Variants in PRKG1 observed in about 807,000 individuals in gnomAD.
PRKG1 encodes the protein cGMP-dependent protein kinase 1.
Under a neutral mutation model 88.1 loss-of-function variants are expected in PRKG1, and 35 were observed. The ratio of observed to expected loss-of-function variants is 0.40; its 90% CI spans 0.30 to 0.53. PRKG1 has a LOEUF of 0.53. Among genes scored for constraint, PRKG1 ranks in the 20% least tolerant of loss-of-function variants. The pLI is 0.59. For synonymous variants in PRKG1, 303 were observed against 292.5 expected (o/e 1.04, Z -0.37); for missense variants, 540 against 839.8 (o/e 0.64, Z 4.41).
At chr10:51,402,271 C>T (rs1183001578) in intron 2 of PRKG1, among the ~76,000 whole-genome samples, 1 of 152,184 alleles carries the variant, frequency 6.6e-6, no homozygotes, top group East Asian at 1.9e-4. Context: ...CAGCCAACCA[C>T]CTTCTTGATA....
chr10:51,311,756 A>G (rs891770704), intron 2 of PRKG1, among the ~76,000 whole-genome samples: 2 of 152,196 alleles, frequency 1.3e-5, no homozygotes, highest in Non-Finnish European at 2.9e-5. Context: ...CAAGGAGAAG[A>G]TGATCATCTT....
chr10:51,201,745 C>G (rs1247189740), intron 2 of PRKG1, among the ~76,000 whole-genome samples: 2 of 152,158 alleles, frequency 1.3e-5, no homozygotes, highest in Non-Finnish European at 2.9e-5. Context: ...GAGGATACAA[C>G]AGAAGCTGTG....
Position 51,728,533 on chromosome 10 carries a change from G to T in PRKG1, c.593-76052G>T, listed in dbSNP as rs140285251. ...ACTCTCAAGGAATGCACAGGCTATT[G>T]CAGAAGCCAGGAAGAAATCTATATT... On this transcript the variant is annotated intron_variant, in intron 3 of 17. Transcript: ENST00000373980. Among the ~76,000 whole-genome samples, 116 of 139,876 alleles carry T rather than the reference G, an allele frequency of 8.3e-4. 1 individual carries two copies. In the East Asian group the frequency reaches 0.024, roughly 29 times the overall value. The allele number at this position is 139,876 out of a possible 152,430, so 91.8% of individuals were successfully genotyped here.
upstream of PRKG1, chr10:51,074,202 G>T (rs916641449): frequency 6.0e-6 from 1 of 166,392 alleles, no homozygotes; most frequent in African/African-American, 2.4e-5. Context: ...GGCGCCCGGC[G>T]CGAGGGACTC....
chr10:51,562,763 A>G (rs1026133067), intron 3 of PRKG1, among the ~76,000 whole-genome samples: 1 of 151,976 alleles, frequency 6.6e-6, no homozygotes, highest in African/African-American at 2.4e-5. Context: ...TGTAAGCATC[A>G]TACTTTATTT....
chr10:52,208,500 A>C (rs542039398), intron 9 of PRKG1, among the ~76,000 whole-genome samples: 1 of 152,356 alleles, frequency 6.6e-6, no homozygotes, highest in East Asian at 1.9e-4. Context: ...AGCATCATAC[A>C]TCTGCATATT....
intron 3 of PRKG1, among the ~76,000 whole-genome samples, chr10:51,475,370 G>A (rs980788384): frequency 3.3e-5 from 5 of 151,956 alleles, no homozygotes; most frequent in Non-Finnish European, 7.4e-5. Flanking sequence ...AATTTTGGGG[G>A]TGGGTCACAG....
intron 7 of PRKG1, among the ~76,000 whole-genome samples, chr10:52,117,807 T>C (rs554158503): frequency 1.1e-3 from 164 of 152,232 alleles, no homozygotes; most frequent in African/African-American, 3.6e-3. Flanking sequence ...TTTGTGTGTG[T>C]GTGCATATGT....
At chr10:51,465,485 A>C (rs1839880584) in intron 2 of PRKG1, among the ~76,000 whole-genome samples, 1 of 152,240 alleles carries the variant, frequency 6.6e-6, no homozygotes, top group Non-Finnish European at 1.5e-5. Flanking sequence ...AAATTTTACA[A>C]AGCATTGCAA....
chr10:51,572,399 A>G (rs1308513057), intron 3 of PRKG1, among the ~76,000 whole-genome samples: 1 of 151,882 alleles, frequency 6.6e-6, no homozygotes, highest in Non-Finnish European at 1.5e-5. Flanking sequence ...TATAAATTTA[A>G]TACCACCCAG....
chr10:51,736,314 A>G (rs1260069702), intron 3 of PRKG1, among the ~76,000 whole-genome samples: 2 of 151,898 alleles, frequency 1.3e-5, no homozygotes, highest in African/African-American at 4.8e-5. Flanking sequence ...TGCTGTCTCA[A>G]TATGATGCCC....
intron 9 of PRKG1, among the ~76,000 whole-genome samples, chr10:52,232,129 C>A (rs957456519): frequency 1.3e-5 from 2 of 151,776 alleles, no homozygotes; most frequent in East Asian, 3.9e-4. Context: ...ATGGTGAAAC[C>A]CCATCTCTAC....
intron 9 of PRKG1, among the ~76,000 whole-genome samples, chr10:52,182,539 G>A (rs1343589590): frequency 9.3e-6 from 1 of 107,892 alleles, no homozygotes; most frequent in Admixed American, 8.7e-5. Flanking sequence ...TAATGCCTAG[G>A]TTTTCTTCTA....
intron 3 of PRKG1, among the ~76,000 whole-genome samples, chr10:51,707,448 C>T (rs914142697): frequency 6.6e-6 from 1 of 152,178 alleles, no homozygotes; most frequent in Non-Finnish European, 1.5e-5. Context: ...GCTAATTAGA[C>T]AAGAAGCAGA....
At chr10:51,920,233 T>G (rs1172335857) in intron 5 of PRKG1, among the ~76,000 whole-genome samples, 1 of 152,178 alleles carries the variant, frequency 6.6e-6, no homozygotes, top group Non-Finnish European at 1.5e-5. Context: ...TCTTCTATCA[T>G]CCTTCTCCTT....
intron 7 of PRKG1, among the ~76,000 whole-genome samples, chr10:52,089,140 G>T (rs1846988856): frequency 6.6e-6 from 1 of 152,112 alleles, no homozygotes; most frequent in Admixed American, 6.6e-5. Context: ...AATTAAGTAG[G>T]ATCGGAACCA....
intron 4 of PRKG1, among the ~76,000 whole-genome samples, chr10:51,891,983 G>C (rs1841732982): frequency 1.3e-5 from 2 of 152,176 alleles, no homozygotes; most frequent in South Asian, 2.1e-4. Flanking sequence ...TCTCAGAGAA[G>C]ATAATGGCTG....
chr10:50,996,875 G>C (rs77905777), intron 1 of PRKG1, among the ~76,000 whole-genome samples: 3,662 of 152,258 alleles, frequency 0.024, 138 homozygotes, highest in African/African-American at 0.082. Context: ...TTTGGGAGAG[G>C]ATATTTATTT....
chr10:51,153,605 T>G (rs1300956599), intron 2 of PRKG1, among the ~76,000 whole-genome samples: 1 of 152,022 alleles, frequency 6.6e-6, no homozygotes, highest in Non-Finnish European at 1.5e-5. Flanking sequence ...ACACTGAATA[T>G]TCTTCATGCA....
Sources: allele counts gnomAD v4.1 joint callset (sites outside exome capture counted in the v4.1 genomes callset), GRCh38; gene constraint gnomAD v4.1.1; transcripts MANE v1.5; gene names NCBI Gene and HGNC (gene_info 2026-07-23, HGNC 2026-07-21).